DNAAF9: variants seen among roughly 807,000 people sequenced by gnomAD.
DNAAF9 encodes shulin.
DNAAF9 carries 90 observed loss-of-function variants against 167.0 expected under a neutral mutation model. That is an observed-to-expected ratio of 0.54 (90% CI 0.45 to 0.64). The LOEUF (loss-of-function observed/expected upper bound fraction) is 0.64, where lower values mean the gene tolerates loss of function less well. Ranked by LOEUF, DNAAF9 falls within the 30% of genes least tolerant of loss-of-function variation. The pLI is 0.00. For missense variants in DNAAF9, 1,315 were observed against 1,442.2 expected, an observed-to-expected ratio of 0.91 and a Z score of 1.43; for synonymous variants, 491 against 508.8, an observed-to-expected ratio of 0.96 and a Z score of 0.47.
At chr20:3,272,554 T>C (rs1421347413) in intron 29 of DNAAF9, among the ~76,000 whole-genome samples, 1 of 152,188 alleles carries the variant, frequency 6.6e-6, no homozygotes, top group Non-Finnish European at 1.5e-5. Flanking sequence ...GTTCCTCTAG[T>C]GGTCACTTTT....
intron 1 of DNAAF9, among the ~76,000 whole-genome samples, chr20:3,387,071 A>G (rs2083752208): frequency 6.6e-6 from 1 of 151,492 alleles, no homozygotes; most frequent in South Asian, 2.1e-4. Flanking sequence ...AATATCGTTA[A>G]GCTGTCAATG....
At chr20:3,272,383 T>C (rs372041296) in intron 29 of DNAAF9, among the ~76,000 whole-genome samples, 2 of 152,156 alleles carry the variant, frequency 1.3e-5, no homozygotes, top group Admixed American at 6.5e-5. Context: ...CGTGCCACCA[T>C]GCTTGGCTAA....
In DNAAF9 at chr20:3,264,502, G is replaced by C. The variant is rs770809554; in HGVS notation, c.2809C>G (p.Leu937Val). The C allele has an allele frequency of 2.6e-6, 4 of 1,542,354 alleles. No homozygotes were observed. Among genetic ancestry groups the C allele is most frequent in the East Asian group, 4.5e-5 (2 of 44,558 alleles). The part of the protein sequence containing the change: ...VTRNEDIELI[L>V]SENSFSSPEM... ...GGACTTGAAAAACTGTTTTCTGAGA[G>C]AATCAGCTCAATGTCTTCATTCCTT... Residue 937 changes from leucine to valine, a missense_variant, in exon 31 of 37, where the codon CTC (leucine) becomes GTC (valine). This residue lies in a region of DNAAF9 where 334 missense variants were observed against 429.7 expected (regional missense o/e 0.78). Transcript: ENST00000252032.
intron 30 of DNAAF9, 86 bp downstream of exon 30, chr20:3,270,341 G>C: frequency 7.7e-7 from 1 of 1,297,834 alleles, no homozygotes; most frequent in Non-Finnish European, 1.1e-6. Context: ...TTAGGTCTTA[G>C]ATACAGTAGA....
chr20:3,270,629 G>A (rs2068576837), intron 29 of DNAAF9, 67 bp from the exon 30 acceptor site: 5 of 1,438,580 alleles, frequency 3.5e-6, no homozygotes, highest in African/African-American at 1.4e-5. Flanking sequence ...TCACACAAAC[G>A]TGAGCCCTTG....
At chr20:3,302,488 T>C (rs2069207779) in intron 21 of DNAAF9, among the ~76,000 whole-genome samples, 1 of 152,090 alleles carries the variant, frequency 6.6e-6, no homozygotes, top group Non-Finnish European at 1.5e-5. Context: ...CTTTCTAACT[T>C]TGTATTCATC....
intron 1 of DNAAF9, among the ~76,000 whole-genome samples, chr20:3,396,864 T>A (rs916327121): frequency 1.8e-4 from 27 of 152,100 alleles, no homozygotes; most frequent in African/African-American, 6.3e-4. Flanking sequence ...CAAAAAGAGG[T>A]ATGACATACA....
chr20:3,405,536 C>T (rs983815487), intron 1 of DNAAF9, among the ~76,000 whole-genome samples: 4 of 152,232 alleles, frequency 2.6e-5, no homozygotes, highest in African/African-American at 9.6e-5. Context: ...TTGGGGGCAG[C>T]TAGGCCTTGG....
chr20:3,360,076 A>G (rs1241480309), intron 6 of DNAAF9: 1 of 152,332 alleles, frequency 6.6e-6, no homozygotes, highest in Non-Finnish European at 1.5e-5. Context: ...TTGGAAGGAT[A>G]CAGAGAAGAT....
chr20:3,407,314 G>A (rs914414050), intron 1 of DNAAF9, among the ~76,000 whole-genome samples, 161 bp downstream of exon 1: 1 of 152,212 alleles, frequency 6.6e-6, no homozygotes, highest in African/African-American at 2.4e-5. Context: ...GGCCTCTACA[G>A]AGGGCGCCGT....
At chr20:3,348,953 C>G (rs973553780) in intron 7 of DNAAF9, among the ~76,000 whole-genome samples, 39 of 152,088 alleles carry the variant, frequency 2.6e-4, no homozygotes, top group African/African-American at 9.2e-4. Flanking sequence ...CACAAGGGAA[C>G]TTTCTGGGCG....
chr20:3,338,071 TATA>T (rs1236590463), intron 10 of DNAAF9, among the ~76,000 whole-genome samples: 1 of 149,128 alleles, frequency 6.7e-6, no homozygotes, highest in African/African-American at 2.4e-5. Context: ...ATAGTGTATA[TATA>T]ATAATATATA....
intron 1 of DNAAF9, among the ~76,000 whole-genome samples, chr20:3,406,098 C>T (rs2084051044): frequency 6.6e-6 from 1 of 152,106 alleles, no homozygotes; most frequent in East Asian, 1.9e-4. Context: ...TGGTATCTAC[C>T]CCCCACCTTC....
chr20:3,396,414 C>A (rs998251551), intron 1 of DNAAF9, among the ~76,000 whole-genome samples: 6 of 152,104 alleles, frequency 3.9e-5, no homozygotes, highest in East Asian at 1.9e-4. Flanking sequence ...GCCAACTGTT[C>A]AGAGCACTGG....
At chr20:3,266,109 T>C in intron 30 of DNAAF9, among the ~76,000 whole-genome samples, 1 of 152,256 alleles carries the variant, frequency 6.6e-6, no homozygotes, top group East Asian at 1.9e-4. Flanking sequence ...GATTTGTCTG[T>C]TTCTAATTCT....
At chr20:3,361,593 C>T (rs1450929815) in intron 6 of DNAAF9, among the ~76,000 whole-genome samples, 1 of 152,126 alleles carries the variant, frequency 6.6e-6, no homozygotes, top group African/African-American at 2.4e-5. Flanking sequence ...TGTGCCCCAC[C>T]AGTTATGATG....
rs1363364100 is a variant in DNAAF9 at position 3,348,587 on chromosome 20, A to G, written c.727T>C (p.Phe243Leu). The G allele has an allele frequency of 1.6e-5, 25 of 1,606,086 alleles. No homozygotes were observed. The highest frequency in any genetic ancestry group is 2.0e-5 in the Non-Finnish European group (24 of 1,175,316). ...GGAATTTCTGTGTCAAAATTAGCGA[A>G]GAAGCTAGTCCACTGATGTTCAAAA... ...VAFEHQWTSF[F>L]ANFDTEIPFL... The change falls in exon 8 of 37, where the codon TTC becomes CTC. Residue 243 changes from phenylalanine (F) to leucine (L), a missense_variant. This residue lies in a region of DNAAF9 where 981 missense variants were observed against 1,012.5 expected (regional missense o/e 0.97). Coordinates refer to ENST00000252032, the MANE Select transcript of DNAAF9 (RefSeq NM_001009984.3).
intron 7 of DNAAF9, among the ~76,000 whole-genome samples, chr20:3,353,609 T>C (rs6037569): frequency 0.75 from 106,245 of 141,938 alleles, 39,990 homozygotes; most frequent in African/African-American, 0.83. Context: ...GCCTGGGTAA[T>C]AGAGTGAGAC....
At chr20:3,275,775 G>A (rs1055955412) in intron 29 of DNAAF9, among the ~76,000 whole-genome samples, 12 of 152,196 alleles carry the variant, frequency 7.9e-5, no homozygotes, top group African/African-American at 2.7e-4. Flanking sequence ...ATTTGGCCAA[G>A]GTCTCACCAG....
Sources: gnomAD v4.1 joint callset for allele counts (sites outside exome capture counted in the v4.1 genomes callset) on GRCh38, gnomAD v4.1.1 for gene constraint, gnomAD v4.1.1 regional missense constraint, MANE v1.5 for transcripts, NCBI Gene and HGNC (gene_info 2026-07-23, HGNC 2026-07-21) for gene names.